Variants in ACOXL observed in about 807,000 individuals in gnomAD.
ACOXL encodes the protein acyl-CoA oxidase like.
Under a neutral mutation model 71.9 loss-of-function variants are expected in ACOXL, and 70 were observed. The observed-to-expected ratio is 0.97, with a 90% CI of 0.80 to 1.19. The LOEUF (loss-of-function observed/expected upper bound fraction) is 1.19. Ranked by LOEUF, ACOXL falls within the 50% of genes most tolerant of loss-of-function variation. The pLI, the probability that ACOXL is intolerant of heterozygous loss-of-function variation, is 0.00. For missense variants in ACOXL, 703 were observed against 736.3 expected (o/e 0.95, Z 0.52); for synonymous variants, 253 against 281.6 (o/e 0.90, Z 1.02).
intron 10 of ACOXL, among the ~76,000 whole-genome samples, chr2:110,862,231 C>T (rs1247944983): frequency 6.6e-6 from 1 of 152,164 alleles, no homozygotes; most frequent in African/African-American, 2.4e-5. Context: ...GCTGGTGCTT[C>T]CCTGGAAGCT....
chr2:110,941,740 G>C (rs564399996), intron 12 of ACOXL, among the ~76,000 whole-genome samples: 1 of 152,018 alleles, frequency 6.6e-6, no homozygotes, highest in Non-Finnish European at 1.5e-5. Context: ...AAAAATAAAG[G>C]TATAACAAAG....
At chr2:111,033,123 C>T (rs1171816830) in intron 15 of ACOXL, among the ~76,000 whole-genome samples, 1 of 152,202 alleles carries the variant, frequency 6.6e-6, no homozygotes, top group Non-Finnish European at 1.5e-5. Flanking sequence ...TCTGAAATGA[C>T]CATGACCGCA....
chr2:110,845,761 A>C (rs1031362592), intron 10 of ACOXL, among the ~76,000 whole-genome samples: 1 of 152,224 alleles, frequency 6.6e-6, no homozygotes, highest in Non-Finnish European at 1.5e-5. Flanking sequence ...AATGTACCAG[A>C]ATTTCATTCC....
intron 14 of ACOXL, chr2:111,016,784 C>T: frequency 6.5e-6 from 1 of 152,784 alleles, no homozygotes; most frequent in Non-Finnish European, 1.5e-5. Flanking sequence ...GCCAGGGTCA[C>T]AGAAGCCTGG....
rs571348669 is a variant in ACOXL at position 110,970,030 on chromosome 2, G to A, written c.1060-17078G>A. Reference sequence around the variant, plus strand: ...AATCTCCTGGCCTTGAAGCCTTGGAGAATTCTATTTACCATTTAAAGAAGA... The same window carrying A: ...AATCTCCTGGCCTTGAAGCCTTGGAAAATTCTATTTACCATTTAAAGAAGA... On this transcript the variant is annotated intron_variant, in intron 12 of 17. Coordinates refer to ENST00000439055, the MANE Select transcript of ACOXL (RefSeq NM_001142807.4). 7.9e-5 allele frequency among the ~76,000 whole-genome samples: 12 copies of A among 152,074 alleles called. No individual in the cohort carries two copies. The East Asian group carries it at 2.3e-3, about 29-fold the overall frequency.
intron 2 of ACOXL, among the ~76,000 whole-genome samples, chr2:110,777,519 A>G (rs527631047): frequency 6.6e-6 from 1 of 152,356 alleles, no homozygotes; most frequent in South Asian, 2.1e-4. Flanking sequence ...CCAACTCCAC[A>G]GCTGTGTATG....
At chr2:110,830,954 T>C (rs986967819) in intron 9 of ACOXL, among the ~76,000 whole-genome samples, 10 of 152,184 alleles carry the variant, frequency 6.6e-5, no homozygotes, top group Admixed American at 1.3e-4. Context: ...ATTAAAACTC[T>C]CAGATAAATA....
At chr2:111,079,039 A>G (rs1574692325) in intron 16 of ACOXL, among the ~76,000 whole-genome samples, 1 of 152,314 alleles carries the variant, frequency 6.6e-6, no homozygotes, top group South Asian at 2.1e-4. Context: ...TAGTTCAGTT[A>G]TCAAGGCCTT....
At chr2:110,875,537 G>A (rs1295833590) in intron 10 of ACOXL, among the ~76,000 whole-genome samples, 1 of 152,240 alleles carries the variant, frequency 6.6e-6, no homozygotes, top group African/African-American at 2.4e-5. Flanking sequence ...GCTTGGGGCT[G>A]TGAGTGTGTG....
At chr2:110,850,935 T>TAAAC (rs1559343920) in intron 10 of ACOXL, among the ~76,000 whole-genome samples, 1 of 152,100 alleles carries the variant, frequency 6.6e-6, no homozygotes, top group Non-Finnish European at 1.5e-5. Flanking sequence ...GGGAAGTGGG[T>TAAAC]AAACAGACTG....
Position 110,963,266 on chromosome 2 carries a change from G to A in ACOXL, c.1060-23842G>A, listed in dbSNP as rs2061775323. On this transcript the variant is annotated intron_variant, in intron 12 of 17. Transcript: ENST00000439055. The stretch of plus-strand genomic sequence containing the variant: ...GGGAGGCATCATTTGCCTACATATG[G>A]TGAGGTATAATCACTAGTACCTTGG... Among the ~76,000 whole-genome samples, 5 of 152,112 alleles carry A rather than the reference G, an allele frequency of 3.3e-5. No homozygotes were observed. In the South Asian group the frequency reaches 1.0e-3, roughly 32 times the overall value.
chr2:110,888,021 T>C (rs963974981), intron 10 of ACOXL: 1 of 152,232 alleles, frequency 6.6e-6, no homozygotes, highest in African/African-American at 2.4e-5. Context: ...CCCAAAAGAC[T>C]TTCTCTGCTG....
intron 12 of ACOXL, among the ~76,000 whole-genome samples, chr2:110,937,202 C>T (rs2060696323): frequency 6.6e-6 from 1 of 152,176 alleles, no homozygotes; most frequent in Non-Finnish European, 1.5e-5. Flanking sequence ...GAGCTTCTAA[C>T]CATGGCTTGG....
At chr2:110,921,981 C>T (rs1035059255) in intron 11 of ACOXL, among the ~76,000 whole-genome samples, 5 of 152,018 alleles carry the variant, frequency 3.3e-5, no homozygotes, top group African/African-American at 1.2e-4. Flanking sequence ...GTTCTATGTA[C>T]ACTTAAAAAG....
At chr2:111,059,880 G>C (rs1004491202) in intron 16 of ACOXL, among the ~76,000 whole-genome samples, 4 of 150,102 alleles carry the variant, frequency 2.7e-5, no homozygotes, top group African/African-American at 7.6e-5. Flanking sequence ...AGGAGGATAA[G>C]GAGGAGAGGA....
chr2:111,090,779 C>T (rs1417704186), intron 16 of ACOXL, among the ~76,000 whole-genome samples: 1 of 152,312 alleles, frequency 6.6e-6, no homozygotes, highest in Non-Finnish European at 1.5e-5. Flanking sequence ...CTGAATGACC[C>T]TCTGTCAGGG....
intron 14 of ACOXL, among the ~76,000 whole-genome samples, chr2:111,029,533 T>C (rs745458651): frequency 6.6e-6 from 1 of 152,258 alleles, no homozygotes; most frequent in African/African-American, 2.4e-5. Flanking sequence ...TGAGGATCAC[T>C]GTGAAGCCCG....
intron 9 of ACOXL, 99 bp downstream of exon 9, chr2:110,805,494 T>C (rs979786890): frequency 5.3e-6 from 8 of 1,511,070 alleles, no homozygotes; most frequent in Non-Finnish European, 6.3e-6. Context: ...GAGCCACAGT[T>C]GGTATAATAT....
rs1676573371 is a variant in ACOXL at position 110,734,413 on chromosome 2, G to A, written c.-23+1639G>A. ...GCCTCCGGAGTAGCTGAGATTACAG[G>A]CACCCACCACCACGCCTGGCTAATT... On this transcript the variant is annotated intron_variant, in intron 1 of 17. Transcript: ENST00000439055. Among the ~76,000 whole-genome samples the A allele has an allele frequency of 1.3e-5, 2 of 152,096 alleles. 1 individual carries two copies. The highest frequency in any genetic ancestry group is 4.2e-4 in the South Asian group (2 of 4,816).
Sources: allele counts gnomAD v4.1 joint callset (sites outside exome capture counted in the v4.1 genomes callset), GRCh38; gene constraint gnomAD v4.1.1; transcripts MANE v1.5; gene names NCBI Gene and HGNC (gene_info 2026-07-23, HGNC 2026-07-21).